LRBA: variants seen among roughly 807,000 people sequenced by gnomAD.
The protein encoded by LRBA is lipopolysaccharide-responsive and beige-like anchor protein.
A neutral mutation model predicts 330.0 loss-of-function variants in LRBA; 176 were observed. The ratio of observed to expected loss-of-function variants is 0.53; its 90% CI spans 0.47 to 0.60. The LOEUF (loss-of-function observed/expected upper bound fraction) is 0.60, where lower values mean the gene tolerates loss of function less well. Among genes scored for constraint, LRBA ranks in the 20% least tolerant of loss-of-function variants. The pLI is 0.00. For synonymous variants in LRBA, 1,230 were observed against 1,193.0 expected (o/e 1.03, Z -0.64); for missense variants, 3,259 against 3,444.8 (o/e 0.95, Z 1.35).
chr4:150,404,238 A>G (rs1490543622), intron 47 of LRBA, among the ~76,000 whole-genome samples: 2 of 152,224 alleles, frequency 1.3e-5, no homozygotes, highest in East Asian at 3.8e-4. Context: ...AATAATCAAT[A>G]AAGAGAAATA....
At chr4:150,506,782 C>A (rs1245430092) in intron 40 of LRBA, among the ~76,000 whole-genome samples, 2 of 152,168 alleles carry the variant, frequency 1.3e-5, no homozygotes, top group Non-Finnish European at 2.9e-5. Context: ...AAGAGGAAGT[C>A]AAACTGCCCC....
chr4:150,396,495 C>T (rs1213940646), intron 47 of LRBA, among the ~76,000 whole-genome samples: 1 of 151,322 alleles, frequency 6.6e-6, no homozygotes, highest in African/African-American at 2.4e-5. Context: ...CACACACACA[C>T]ACACACACAC....
chr4:150,610,154 GA>G (rs1293086041), intron 37 of LRBA, among the ~76,000 whole-genome samples: 1 of 152,168 alleles, frequency 6.6e-6, no homozygotes, highest in South Asian at 2.1e-4. Context: ...GCTGACAAAG[GA>G]AAAGTTTAAG....
chr4:150,533,095 T>G (rs967910563), intron 40 of LRBA, among the ~76,000 whole-genome samples: 3 of 152,336 alleles, frequency 2.0e-5, no homozygotes, highest in South Asian at 4.1e-4. Flanking sequence ...AATGTTCTTC[T>G]GAATCTAGAT....
Position 150,982,492 on chromosome 4 carries a change from T to C in LRBA, c.216+31935A>G, listed in dbSNP as rs1356893585. ...ATGTAAGGTTACAGTAAATATGGGA[T>C]TTAAATACAGTAAGAAGACAATTCA... is the stretch of plus-strand genomic sequence containing the variant. On this transcript the variant is annotated intron_variant, in intron 2 of 56. Coordinates refer to ENST00000651943, the MANE Select transcript of LRBA (RefSeq NM_001364905.1). Among the ~76,000 whole-genome samples the C allele has an allele frequency of 3.3e-5, 5 of 151,994 alleles. No homozygotes were observed. In the East Asian group the frequency reaches 9.6e-4, roughly 29 times the overall value.
intron 34 of LRBA, among the ~76,000 whole-genome samples, chr4:150,790,941 G>A (rs1427834398): frequency 1.3e-5 from 2 of 152,110 alleles, no homozygotes; most frequent in Non-Finnish European, 2.9e-5. Context: ...GTCATAGGTA[G>A]TAACAATAAC....
At chr4:150,424,840 G>A (rs1253489970) in intron 46 of LRBA, among the ~76,000 whole-genome samples, 3 of 152,228 alleles carry the variant, frequency 2.0e-5, no homozygotes, top group African/African-American at 7.2e-5. Context: ...AACATTGAAT[G>A]AAATGACGTT....
intron 53 of LRBA, among the ~76,000 whole-genome samples, chr4:150,302,048 A>G (rs146520065): frequency 0.012 from 1,781 of 152,186 alleles, 31 homozygotes; most frequent in African/African-American, 0.04. Flanking sequence ...GTGAATTACA[A>G]TTTTAAATGG....
intron 47 of LRBA, among the ~76,000 whole-genome samples, chr4:150,402,787 CTCTA>C (rs1388612559): frequency 6.4e-4 from 92 of 143,742 alleles, no homozygotes; most frequent in Non-Finnish European, 1.2e-3. Flanking sequence ...ATCTATCTCT[CTCTA>C]TATATATAAA....
chr4:150,456,824 T>C (rs1340626497), intron 44 of LRBA, among the ~76,000 whole-genome samples: 1 of 152,148 alleles, frequency 6.6e-6, no homozygotes, highest in East Asian at 1.9e-4. Flanking sequence ...AAGTCTTTAA[T>C]TCATTTTGAT....
intron 2 of LRBA, among the ~76,000 whole-genome samples, chr4:150,967,817 GTCCATATAAGA>G (rs930532038): frequency 1.6e-4 from 25 of 152,088 alleles, no homozygotes; most frequent in African/African-American, 6.0e-4. Flanking sequence ...CATAAACCAT[GTCCATATAAGA>G]TAGTGAACTT....
intron 53 of LRBA, among the ~76,000 whole-genome samples, chr4:150,301,586 C>A (rs1300105614): frequency 6.8e-6 from 1 of 146,260 alleles, no homozygotes; most frequent in Non-Finnish European, 1.6e-5. Context: ...TAGCATTTGA[C>A]TAAATGTTTT....
intron 37 of LRBA, among the ~76,000 whole-genome samples, chr4:150,644,786 T>C (rs1778979368): frequency 6.6e-6 from 1 of 151,848 alleles, no homozygotes. Context: ...TTTAGTACCA[T>C]CTGAAGTGGA....
chr4:150,358,612 G>C (rs1418578397), intron 47 of LRBA, among the ~76,000 whole-genome samples: 1 of 151,906 alleles, frequency 6.6e-6, no homozygotes, highest in Non-Finnish European at 1.5e-5. Context: ...AGATAAACTA[G>C]TTATAAACAT....
intron 47 of LRBA, among the ~76,000 whole-genome samples, chr4:150,411,709 C>T (rs555803103): frequency 9.2e-5 from 14 of 152,260 alleles, no homozygotes; most frequent in African/African-American, 3.4e-4. Context: ...CAACAGAGGG[C>T]TGAAAACAGG....
At chr4:150,429,386 G>A (rs538894197) in intron 46 of LRBA, among the ~76,000 whole-genome samples, 32 of 152,126 alleles carry the variant, frequency 2.1e-4, no homozygotes, top group Non-Finnish European at 4.3e-4. Flanking sequence ...CAGAGTGAAC[G>A]GGGTGGCAAA....
chr4:150,574,403 A>G (rs1770269573), intron 40 of LRBA, among the ~76,000 whole-genome samples: 1 of 152,098 alleles, frequency 6.6e-6, no homozygotes, highest in Non-Finnish European at 1.5e-5. Flanking sequence ...AAATTTAGTC[A>G]TGTAATGGTG....
chr4:150,411,891 A>G (rs1747063619), intron 47 of LRBA, among the ~76,000 whole-genome samples: 1 of 152,190 alleles, frequency 6.6e-6, no homozygotes, highest in Admixed American at 6.5e-5. Flanking sequence ...GTAAACCAAA[A>G]AGAGGAGGGG....
intron 42 of LRBA, among the ~76,000 whole-genome samples, chr4:150,475,535 G>T (rs567182715): frequency 6.6e-6 from 1 of 151,958 alleles, no homozygotes; most frequent in Non-Finnish European, 1.5e-5. Context: ...GAATTTGTCC[G>T]TATCATTTAA....
Sources: gnomAD v4.1 joint callset for allele counts (sites outside exome capture counted in the v4.1 genomes callset) on GRCh38, gnomAD v4.1.1 for gene constraint, MANE v1.5 for transcripts, NCBI Gene and HGNC (gene_info 2026-07-23, HGNC 2026-07-21) for gene names.